The following GLIS3 variants were observed in gnomAD, a reference collection of about 807,000 sequenced individuals.
GLIS3 encodes GLIS family zinc finger 3, also known as zinc finger protein GLIS3.
Under a neutral mutation model 78.6 loss-of-function variants are expected in GLIS3, and 53 were observed. The ratio of observed to expected loss-of-function variants is 0.67; its 90% CI spans 0.54 to 0.85. The LOEUF (loss-of-function observed/expected upper bound fraction) is 0.85, where lower values mean the gene tolerates loss of function less well. Ranked by LOEUF, GLIS3 falls within the 40% of genes least tolerant of loss-of-function variation. GLIS3 has a pLI of 0.00. For missense variants in GLIS3, 1,703 were observed against 1,231.1 expected, an observed-to-expected ratio of 1.38 and a Z score of -5.74; for synonymous variants, 684 against 509.9, an observed-to-expected ratio of 1.34 and a Z score of -4.60.
intron 4 of GLIS3, among the ~76,000 whole-genome samples, chr9:4,035,269 G>T (rs1320026773): frequency 6.6e-6 from 1 of 152,068 alleles, no homozygotes; most frequent in African/African-American, 2.4e-5. Flanking sequence ...CTTGTTAGAA[G>T]ATCCTACAGA....
chr9:4,399,152 G>A, the GLIS3 span, among the ~76,000 whole-genome samples: 1 of 152,300 alleles, frequency 6.6e-6, no homozygotes, highest in African/African-American at 2.4e-5. Flanking sequence ...TAGCTAGAAG[G>A]AGGATATTGA....
chr9:4,168,365 T>G (rs1158188221), intron 2 of GLIS3, among the ~76,000 whole-genome samples: 1 of 152,202 alleles, frequency 6.6e-6, no homozygotes, highest in African/African-American at 2.4e-5. Context: ...GGGACTCTAT[T>G]TGTTCCATCC....
At chr9:4,214,117 TTC>T (rs1820613875) in intron 2 of GLIS3, among the ~76,000 whole-genome samples, 1 of 152,190 alleles carries the variant, frequency 6.6e-6, no homozygotes, top group Non-Finnish European at 1.5e-5. Context: ...ATAGGCTGCA[TTC>T]TAACACATAT....
chr9:3,856,729 C>G (rs957590525), intron 8 of GLIS3, among the ~76,000 whole-genome samples: 2 of 152,136 alleles, frequency 1.3e-5, no homozygotes, highest in African/African-American at 4.8e-5. Flanking sequence ...TAACTTAAAC[C>G]TCGAAGGTCA....
At chr9:4,256,046 TA>T (rs894373624) in intron 2 of GLIS3, among the ~76,000 whole-genome samples, 1 of 151,850 alleles carries the variant, frequency 6.6e-6, no homozygotes, top group African/African-American at 2.4e-5. Context: ...ATTTTTTTTT[TA>T]AAAAAGGATA....
At chr9:4,275,051 G>A (rs891933810) in intron 2 of GLIS3, among the ~76,000 whole-genome samples, 1 of 152,184 alleles carries the variant, frequency 6.6e-6, no homozygotes, top group Admixed American at 6.5e-5. Flanking sequence ...TCTTTAAAAT[G>A]TGACAAGTCA....
chr9:4,218,355 T>C (rs1821035407), intron 2 of GLIS3, among the ~76,000 whole-genome samples: 1 of 152,190 alleles, frequency 6.6e-6, no homozygotes, highest in Admixed American at 6.5e-5. Flanking sequence ...CTCGGCTCAC[T>C]GCAAGCTCTG....
chr9:4,006,511 G>A (rs1269027828), intron 4 of GLIS3, among the ~76,000 whole-genome samples: 1 of 152,118 alleles, frequency 6.6e-6, no homozygotes, highest in East Asian at 1.9e-4. Flanking sequence ...GACCTAGGAT[G>A]GTTTGCTGGT....
At chr9:3,882,555 A>G (rs1408826352) in intron 7 of GLIS3, among the ~76,000 whole-genome samples, 1 of 152,190 alleles carries the variant, frequency 6.6e-6, no homozygotes, top group Non-Finnish European at 1.5e-5. Flanking sequence ...ACGAGGTGTC[A>G]GGTATAGGGC....
At chr9:4,226,802 G>A (rs967837661) in intron 2 of GLIS3, among the ~76,000 whole-genome samples, 1 of 152,146 alleles carries the variant, frequency 6.6e-6, no homozygotes, top group Non-Finnish European at 1.5e-5. Context: ...TGGTGAGGAC[G>A]AAAAAGACAG....
intron 7 of GLIS3, among the ~76,000 whole-genome samples, chr9:3,893,308 A>C (rs1026197923): frequency 2.0e-5 from 3 of 152,212 alleles, no homozygotes; most frequent in African/African-American, 7.2e-5. Context: ...ATGAAAAACT[A>C]ACATGAATAC....
intron 1 of GLIS3, among the ~76,000 whole-genome samples, chr9:4,288,927 T>C (rs1828222525): frequency 6.6e-6 from 1 of 152,142 alleles, no homozygotes; most frequent in South Asian, 2.1e-4. Flanking sequence ...TTCACATTAA[T>C]TACGCCAACA....
At chr9:3,930,139 T>C (rs541088026) in intron 6 of GLIS3, among the ~76,000 whole-genome samples, 62 of 152,346 alleles carry the variant, frequency 4.1e-4, no homozygotes, top group African/African-American at 1.4e-3. Flanking sequence ...CCATCATGGA[T>C]TCATAAAGAA....
chr9:3,898,121 G>A (rs1037305824), intron 7 of GLIS3: 3 of 164,604 alleles, frequency 1.8e-5, no homozygotes, highest in African/African-American at 7.2e-5. Context: ...TATTTTTTTT[G>A]TTTTTTACTA....
the GLIS3 span, among the ~76,000 whole-genome samples, chr9:4,368,642 C>T: frequency 2.6e-5 from 4 of 152,204 alleles, no homozygotes; most frequent in African/African-American, 7.2e-5. Context: ...TGAGCCACTG[C>T]GCCCGGCCTG....
At chr9:4,334,903 CCTT>C (rs1343046728) in intron 2 of GLIS3, among the ~76,000 whole-genome samples, 2 of 113,392 alleles carry the variant, frequency 1.8e-5, no homozygotes, top group Non-Finnish European at 3.6e-5. Context: ...ATCATTTCCA[CCTT>C]TTTTTTTTTT....
At chr9:4,422,223 G>A in the GLIS3 span, among the ~76,000 whole-genome samples, 2 of 152,100 alleles carry the variant, frequency 1.3e-5, no homozygotes, top group Non-Finnish European at 2.9e-5. Context: ...AGTATAATTG[G>A]TCTTCTTCAT....
intron 2 of GLIS3, among the ~76,000 whole-genome samples, chr9:4,244,879 A>C (rs34824948): frequency 0.13 from 19,316 of 152,176 alleles, 1,386 homozygotes; most frequent in Non-Finnish European, 0.16. Flanking sequence ...CCTGACCACA[A>C]GGAATTTTTA....
At chr9:4,421,017 C>T in the GLIS3 span, among the ~76,000 whole-genome samples, 2 of 152,190 alleles carry the variant, frequency 1.3e-5, no homozygotes, top group African/African-American at 4.8e-5. Context: ...TGCACGTTCG[C>T]TTCTGCACTG....
Sources: allele counts gnomAD v4.1 joint callset (sites outside exome capture counted in the v4.1 genomes callset), GRCh38; gene constraint gnomAD v4.1.1; transcripts MANE v1.5; gene names NCBI Gene and HGNC (gene_info 2026-07-23, HGNC 2026-07-21).